The following GRIA1 variants were observed in gnomAD, a reference collection of about 807,000 sequenced individuals.
GRIA1 encodes the protein glutamate receptor 1.
Under a neutral mutation model 99.2 loss-of-function variants are expected in GRIA1, and 31 were observed. The observed-to-expected ratio is 0.31, with a 90% CI of 0.23 to 0.42. The LOEUF is 0.42. GRIA1 is among the 10% of genes least tolerant of loss of function. GRIA1 has a pLI of 1.00. For synonymous variants in GRIA1, 438 were observed against 432.4 expected, an observed-to-expected ratio of 1.01 and a Z score of -0.16; for missense variants, 782 against 1,157.5, an observed-to-expected ratio of 0.68 and a Z score of 4.71.
intron 2 of GRIA1, among the ~76,000 whole-genome samples, chr5:153,590,336 G>A (rs1255184859): frequency 6.6e-6 from 1 of 152,092 alleles, no homozygotes; most frequent in Non-Finnish European, 1.5e-5. Context: ...CAGAAATGCA[G>A]AGAATGGCAG....
At chr5:153,738,432 C>A (rs72802701) in intron 11 of GRIA1, among the ~76,000 whole-genome samples, 3,689 of 152,226 alleles carry the variant, frequency 0.024, 61 homozygotes, top group Non-Finnish European at 0.036. Context: ...TTTCCCCATT[C>A]ATAAAATAGC....
intron 2 of GRIA1, among the ~76,000 whole-genome samples, chr5:153,633,747 A>G (rs1315003024): frequency 1.3e-5 from 2 of 152,244 alleles, no homozygotes; most frequent in African/African-American, 2.4e-5. Flanking sequence ...GACTAAGTTC[A>G]TATAAAGAAC....
At chr5:153,733,916 C>T (rs1761209860) in intron 11 of GRIA1, among the ~76,000 whole-genome samples, 1 of 152,098 alleles carries the variant, frequency 6.6e-6, no homozygotes, top group Non-Finnish European at 1.5e-5. Flanking sequence ...TAGCAGAGAA[C>T]TTCAAGACCC....
At position 153,764,247 on chromosome 5, in the gene GRIA1, G is replaced by A. The variant is rs192359029; in HGVS notation, c.1824-187G>A. ...ACAGCAACCCCACAGATCCATGTCCGTAATAAGGAACAAAATATGGAGTCT... is the reference window on the plus strand; with the variant it reads ...ACAGCAACCCCACAGATCCATGTCCATAATAAGGAACAAAATATGGAGTCT... On this transcript the variant is annotated intron_variant, in intron 11 of 15. Coordinates refer to ENST00000285900, the MANE Select transcript of GRIA1 (RefSeq NM_000827.4). Among the ~76,000 whole-genome samples the A allele has an allele frequency of 5.2e-3, 786 of 152,252 alleles. 3 individuals carry two copies. Among genetic ancestry groups the A allele is most frequent in the Non-Finnish European group, 8.2e-3 (559 of 68,006 alleles).
At chr5:153,675,295 G>A (rs1433796577) in intron 6 of GRIA1, among the ~76,000 whole-genome samples, 1 of 151,884 alleles carries the variant, frequency 6.6e-6, no homozygotes, top group African/African-American at 2.4e-5. Flanking sequence ...ATTCTGCTCA[G>A]CCATGTGCCC....
chr5:153,724,937 C>T (rs1279172493), intron 11 of GRIA1, among the ~76,000 whole-genome samples: 2 of 152,098 alleles, frequency 1.3e-5, no homozygotes, highest in South Asian at 2.1e-4. Flanking sequence ...CTCCAAGACA[C>T]GTAATTGTCA....
chr5:153,545,869 GC>G (rs1440103169), intron 2 of GRIA1, among the ~76,000 whole-genome samples: 4 of 152,094 alleles, frequency 2.6e-5, no homozygotes. Flanking sequence ...GCTGAATTTG[GC>G]CCACACACCA....
In GRIA1 at chr5:153,626,643, G is replaced by A. The variant is rs141140872; in HGVS notation, c.221-20285G>A. On this transcript the variant is annotated intron_variant, in intron 2 of 15. Coordinates refer to ENST00000285900, the MANE Select transcript of GRIA1 (RefSeq NM_000827.4). ...CTGAATTAACTCATGTAGGACTGAC[G>A]CTAAGGGACAGTTAGAGTGGAGTGG... 3.7e-4 allele frequency among the ~76,000 whole-genome samples: 57 copies of A among 152,240 alleles called. 2 individuals are homozygous for A. In the East Asian group the frequency reaches 6.6e-3, roughly 18 times the overall value.
intron 15 of GRIA1, among the ~76,000 whole-genome samples, chr5:153,807,913 G>A (rs1037892): frequency 0.37 from 55,634 of 152,012 alleles, 11,978 homozygotes; most frequent in East Asian, 0.85. Flanking sequence ...AATTATATAC[G>A]GCTGTGCTAA....
intron 2 of GRIA1, among the ~76,000 whole-genome samples, chr5:153,615,055 C>T (rs1417879898): frequency 6.6e-6 from 1 of 152,304 alleles, no homozygotes; most frequent in East Asian, 1.9e-4. Context: ...GAGTAATCAT[C>T]AGTTTTATGA....
intron 2 of GRIA1, among the ~76,000 whole-genome samples, chr5:153,515,057 C>T (rs1027116251): frequency 3.3e-5 from 5 of 151,980 alleles, no homozygotes; most frequent in Admixed American, 3.3e-4. Context: ...GAAGGTTTCT[C>T]AAAAAATTAA....
At chr5:153,783,295 C>CG (rs978506238) in intron 13 of GRIA1, among the ~76,000 whole-genome samples, 8 of 152,106 alleles carry the variant, frequency 5.3e-5, no homozygotes, top group Non-Finnish European at 8.8e-5. Context: ...CCATTAATTG[C>CG]GGGGGGACCT....
chr5:153,517,739 C>T (rs149493502), intron 2 of GRIA1, among the ~76,000 whole-genome samples: 1 of 152,214 alleles, frequency 6.6e-6, no homozygotes, highest in Admixed American at 6.5e-5. Context: ...AACCCCGTAT[C>T]CCTCACACTG....
intron 8 of GRIA1, among the ~76,000 whole-genome samples, chr5:153,689,314 G>C (rs575283848): frequency 6.6e-6 from 1 of 152,146 alleles, no homozygotes; most frequent in African/African-American, 2.4e-5. Context: ...ATAGAAAATT[G>C]TTGACCATAG....
At position 153,655,992 on chromosome 5, in the gene GRIA1, A is replaced by G; in HGVS notation, c.699+120A>G. 5.1e-6 allele frequency: 4 copies of G among 787,880 alleles called. No individual in the cohort carries two copies. The South Asian group carries it at 5.6e-5, about 11-fold the overall frequency. The allele number at this position is 787,880 out of a possible 1,614,324, so 48.8% of individuals were successfully genotyped here. A position where few individuals can be genotyped will look rare whatever the true frequency, so the allele number is the denominator to read the frequency against. Reference sequence around the variant, plus strand: ...GTGGAAGGGGCAATTCAGGGCTGTAATAATGAGTCTTGGCAATACTACATT... The same window carrying G: ...GTGGAAGGGGCAATTCAGGGCTGTAGTAATGAGTCTTGGCAATACTACATT... On this transcript the variant is annotated intron_variant, in intron 5 of 15. Transcript: ENST00000285900.
In GRIA1 at chr5:153,770,413, G is replaced by C; in HGVS notation, c.2268G>C (p.Leu756=). 3.7e-6 allele frequency: 6 copies of C among 1,610,164 alleles called. No individual in the cohort carries two copies. Among genetic ancestry groups the C allele is most frequent in the Non-Finnish European group, 5.1e-6 (6 of 1,176,858 alleles). ...YGIATPKGSA[L]RNPVNLAVLK... ...TTGCAACACCCAAGGGGTCTGCCCT[G>C]AGGTAAGTAGCCAAGATTTGCTTCC... Residue 756 remains leucine (L), a splice_region_variant and synonymous_variant, in exon 13 of 16, where the codon CTG becomes CTC. Coordinates refer to ENST00000285900, the MANE Select transcript of GRIA1 (RefSeq NM_000827.4).
At chr5:153,769,910 T>A (rs1255405918) in intron 12 of GRIA1, among the ~76,000 whole-genome samples, 1 of 152,098 alleles carries the variant, frequency 6.6e-6, no homozygotes, top group Non-Finnish European at 1.5e-5. Flanking sequence ...TCCCCTTGTT[T>A]AGGAGGAATA....
intron 2 of GRIA1, among the ~76,000 whole-genome samples, chr5:153,550,127 A>G (rs1332707998): frequency 6.6e-6 from 1 of 151,530 alleles, no homozygotes; most frequent in African/African-American, 2.4e-5. Flanking sequence ...TTGGTGTTTA[A>G]TAATTACAGG....
intron 2 of GRIA1, among the ~76,000 whole-genome samples, chr5:153,578,720 A>G (rs1581259017): frequency 1.3e-5 from 2 of 152,322 alleles, no homozygotes; most frequent in East Asian, 3.9e-4. Context: ...CAGCCTGGCC[A>G]GCATGGTGAA....
Sources: allele counts gnomAD v4.1 joint callset (sites outside exome capture counted in the v4.1 genomes callset), GRCh38; gene constraint gnomAD v4.1.1; transcripts MANE v1.5; gene names NCBI Gene and HGNC (gene_info 2026-07-23, HGNC 2026-07-21).